Variants in UBE2B observed in about 807,000 individuals in gnomAD.
UBE2B encodes the protein ubiquitin-conjugating enzyme E2 B.
In UBE2B, 11 loss-of-function variants were observed where a neutral mutation model predicts 24.6. The ratio of observed to expected loss-of-function variants is 0.45; its 90% CI spans 0.28 to 0.74. The LOEUF is 0.74. UBE2B is among the 30% of genes least tolerant of loss of function. The probability of loss-of-function intolerance (pLI) is 0.13; values close to 1 mark genes in which losing one functional copy is unlikely to be tolerated. For missense variants in UBE2B, 78 were observed against 185.6 expected (o/e 0.42, Z 3.37); for synonymous variants, 68 against 62.4 (o/e 1.09, Z -0.42).
intron 1 of UBE2B, among the ~76,000 whole-genome samples, chr5:134,372,355 G>T (rs1758476521): frequency 6.6e-6 from 1 of 152,164 alleles, no homozygotes; most frequent in Non-Finnish European, 1.5e-5. Flanking sequence ...TTAGACTGGC[G>T]CTAATCTGAT....
chr5:134,388,958 T>G (rs766880100), intron 5 of UBE2B: 76 of 353,422 alleles, frequency 2.2e-4, no homozygotes, highest in African/African-American at 1.6e-3. Context: ...TTTTTTTTTT[T>G]TTTTTTTTTT....
chr5:134,374,530 A>G, intron 2 of UBE2B, 67 bp downstream of exon 2: 1 of 1,491,378 alleles, frequency 6.7e-7, no homozygotes, highest in Non-Finnish European at 9.2e-7. Context: ...ACATATAACA[A>G]CTGTCTAGGA....
At chr5:134,374,686 C>T (rs920344321) in intron 2 of UBE2B, 12 of 518,802 alleles carry the variant, frequency 2.3e-5, no homozygotes, top group South Asian at 2.3e-4. Context: ...GTTCACCAGC[C>T]TGGGCGATAT....
chr5:134,374,501 G>A (rs1207927558), intron 2 of UBE2B, 38 bp downstream of exon 2: 1 of 1,543,408 alleles, frequency 6.5e-7, no homozygotes, highest in East Asian at 2.4e-5. Flanking sequence ...GGTGTGTGCT[G>A]AATCTTTAAG....
intron 3 of UBE2B, among the ~76,000 whole-genome samples, chr5:134,379,735 TAAACTA>T (rs1425348350): frequency 6.6e-6 from 1 of 152,076 alleles, no homozygotes; most frequent in African/African-American, 2.4e-5. Context: ...TTCATGTACT[TAAACTA>T]AACGGTATTG....
Position 134,376,683 on chromosome 5 carries a change from CT to C in UBE2B, c.144del (p.Phe48LeufsTer8). On this transcript the variant is annotated frameshift_variant, in exon 3 of 6. Coordinates refer to ENST00000265339, the MANE Select transcript of UBE2B (RefSeq NM_003337.4). LOFTEE classifies it high-confidence loss of function. ...CTTGTTTTCAGACCAGAAGGGACAC[CT>C]TTTGAAGATGGTAAGTCATACTCAT... ...NAVIFGPEGT[P>X]FEDGTFKLVI... 6.2e-7 allele frequency: 1 copy of C among 1,610,808 alleles called. No homozygotes were observed. Among genetic ancestry groups the C allele is most frequent in the Non-Finnish European group, 8.5e-7 (1 of 1,178,554 alleles).
intron 2 of UBE2B, among the ~76,000 whole-genome samples, chr5:134,375,089 C>T (rs1758576156): frequency 6.6e-6 from 1 of 152,020 alleles, no homozygotes; most frequent in African/African-American, 2.4e-5. Flanking sequence ...AAAGGAGAAA[C>T]AATAAGTTAC....
At chr5:134,385,516 G>T (rs959340048) in intron 4 of UBE2B, 5 of 152,140 alleles carry the variant, frequency 3.3e-5, no homozygotes, top group African/African-American at 1.2e-4. Context: ...TTCACTTCTA[G>T]AAATTTTTTC....
At chr5:134,377,647 G>C (rs1298733004) in intron 3 of UBE2B, among the ~76,000 whole-genome samples, 3 of 152,102 alleles carry the variant, frequency 2.0e-5, no homozygotes, top group Non-Finnish European at 4.4e-5. Context: ...GGTACTTAAG[G>C]ACGTTACCTT....
intron 4 of UBE2B, among the ~76,000 whole-genome samples, chr5:134,386,959 C>G (rs1350927266): frequency 7.5e-6 from 1 of 133,290 alleles, no homozygotes; most frequent in Non-Finnish European, 1.6e-5. Flanking sequence ...TAGTTTTTCA[C>G]TTTTTTTTTT....
At chr5:134,381,108 A>G (rs1182547885) in intron 4 of UBE2B, among the ~76,000 whole-genome samples, 1 of 151,838 alleles carries the variant, frequency 6.6e-6, no homozygotes, top group Non-Finnish European at 1.5e-5. Flanking sequence ...CTGGGACTAC[A>G]GGCGTCCACC....
At chr5:134,379,682 T>A (rs1758673473) in intron 3 of UBE2B, among the ~76,000 whole-genome samples, 2 of 148,916 alleles carry the variant, frequency 1.3e-5, no homozygotes, top group South Asian at 2.1e-4. Context: ...AGAAAGAAAG[T>A]ACTCCTTTTT....
At chr5:134,380,114 G>A (rs1383489933) in intron 3 of UBE2B, among the ~76,000 whole-genome samples, 3 of 152,118 alleles carry the variant, frequency 2.0e-5, no homozygotes, top group East Asian at 1.9e-4. Context: ...GTTTGACCAC[G>A]TTGGCCAGGC....
At chr5:134,381,219 G>A (rs1200358806) in intron 4 of UBE2B, among the ~76,000 whole-genome samples, 1 of 151,752 alleles carries the variant, frequency 6.6e-6, no homozygotes, top group Non-Finnish European at 1.5e-5. Flanking sequence ...GCCCACCTTG[G>A]CCTCCCAAAG....
intron 1 of UBE2B, among the ~76,000 whole-genome samples, chr5:134,373,459 C>T (rs921131445): frequency 2.0e-5 from 3 of 151,830 alleles, no homozygotes; most frequent in South Asian, 2.1e-4. Flanking sequence ...AGAGGACAGT[C>T]TATATACATC....
intron 2 of UBE2B, 93 bp from the exon 3 acceptor site, chr5:134,376,576 C>A: frequency 7.2e-7 from 1 of 1,389,436 alleles, no homozygotes; most frequent in Admixed American, 1.7e-5. Context: ...ATGAGTCCCT[C>A]TTTTTCTGTT....
At chr5:134,373,473 TC>T (rs1758532963) in intron 1 of UBE2B, among the ~76,000 whole-genome samples, 1 of 152,146 alleles carries the variant, frequency 6.6e-6, no homozygotes, top group Non-Finnish European at 1.5e-5. Flanking sequence ...ATACATCAAT[TC>T]TTTTTTTTTA....
At chr5:134,374,626 G>A (rs943053579) in intron 2 of UBE2B, 163 bp downstream of exon 2, 1 of 797,824 alleles carries the variant, frequency 1.3e-6, no homozygotes, top group South Asian at 1.6e-5. Context: ...TAGAGTTTTG[G>A]CCCAGCACAG....
intron 4 of UBE2B, among the ~76,000 whole-genome samples, chr5:134,386,959 C>CTT (rs1159258859): frequency 2.2e-4 from 29 of 133,290 alleles, no homozygotes; most frequent in Non-Finnish European, 3.3e-4. Context: ...TAGTTTTTCA[C>CTT]TTTTTTTTTT....
Sources: gnomAD v4.1 joint callset for allele counts (sites outside exome capture counted in the v4.1 genomes callset) on GRCh38, gnomAD v4.1.1 for gene constraint, MANE v1.5 for transcripts, NCBI Gene and HGNC (gene_info 2026-07-23, HGNC 2026-07-21) for gene names.